The following RAPGEF2 variants were observed in gnomAD, a reference collection of about 807,000 sequenced individuals.
The protein encoded by RAPGEF2 is Rap guanine nucleotide exchange factor 2.
In RAPGEF2, 54 loss-of-function variants were observed where a neutral mutation model predicts 186.7. That is an observed-to-expected ratio of 0.29 (90% CI 0.23 to 0.36). The LOEUF (loss-of-function observed/expected upper bound fraction) is 0.36. RAPGEF2 is among the 10% of genes least tolerant of loss of function. RAPGEF2 has a pLI of 1.00. For missense variants in RAPGEF2, 1,532 were observed against 2,045.0 expected (o/e 0.75, Z 4.84); for synonymous variants, 712 against 705.9 (o/e 1.01, Z -0.14).
intron 25 of RAPGEF2, among the ~76,000 whole-genome samples, chr4:159,349,459 C>T (rs1730860723): frequency 6.6e-6 from 1 of 150,646 alleles, no homozygotes; most frequent in Non-Finnish European, 1.5e-5. Context: ...AATAATTTTT[C>T]CTCCACTCTC....
intron 3 of RAPGEF2, among the ~76,000 whole-genome samples, chr4:159,196,357 CTTGT>C (rs768782448): frequency 6.6e-6 from 1 of 152,036 alleles, no homozygotes; most frequent in African/African-American, 2.4e-5. Flanking sequence ...GGGGAAATGA[CTTGT>C]TTGTTCTTGT....
chr4:159,268,335 C>T (rs1579685916), intron 7 of RAPGEF2: 2 of 775,556 alleles, frequency 2.6e-6, no homozygotes, highest in Admixed American at 2.5e-5. Flanking sequence ...TAGTAGTCTG[C>T]TTGGAGAGGA....
intron 7 of RAPGEF2, among the ~76,000 whole-genome samples, chr4:159,302,486 T>G (rs1412515698): frequency 6.6e-6 from 1 of 152,220 alleles, no homozygotes; most frequent in Non-Finnish European, 1.5e-5. Flanking sequence ...GTTTCCCCAG[T>G]TGCCTTCTGC....
intron 3 of RAPGEF2, among the ~76,000 whole-genome samples, chr4:159,205,727 C>T (rs1238984024): frequency 1.3e-5 from 2 of 152,142 alleles, no homozygotes; most frequent in East Asian, 3.8e-4. Flanking sequence ...CTTGCTTCCC[C>T]TTCGCCTTCC....
chr4:159,318,949 A>G (rs1429176249), intron 9 of RAPGEF2, among the ~76,000 whole-genome samples: 1 of 152,170 alleles, frequency 6.6e-6, no homozygotes, highest in South Asian at 2.1e-4. Context: ...ATAATAGTGT[A>G]TCATTCTAAT....
At chr4:159,204,760 C>T (rs1217778198) in intron 3 of RAPGEF2, among the ~76,000 whole-genome samples, 1 of 152,140 alleles carries the variant, frequency 6.6e-6, no homozygotes, top group East Asian at 1.9e-4. Context: ...ATTGTGGTTC[C>T]TAGCTCAAGA....
chr4:159,340,702 C>G (rs918544520), intron 19 of RAPGEF2, among the ~76,000 whole-genome samples: 1 of 147,420 alleles, frequency 6.8e-6, no homozygotes, highest in African/African-American at 2.5e-5. Flanking sequence ...CACACACACA[C>G]ACACATTTAT....
At chr4:159,119,830 G>A (rs1167191290) in intron 1 of RAPGEF2, among the ~76,000 whole-genome samples, 2 of 152,042 alleles carry the variant, frequency 1.3e-5, no homozygotes, top group Non-Finnish European at 2.9e-5. Context: ...TAAGGATATT[G>A]GCATATGATA....
At position 159,346,868 on chromosome 4, in the gene RAPGEF2, A is replaced by C; in HGVS notation, c.3582A>C (p.Lys1194Asn). ...CTCCAAGGGCAGGGTCACAACAGAAAGCTCAGTCCCTGCCACAGCCCCAGC... is the reference window on the plus strand; with the variant it reads ...CTCCAAGGGCAGGGTCACAACAGAACGCTCAGTCCCTGCCACAGCCCCAGC... ...PVAPRAGSQQ[K>N]AQSLPQPQQQ... Residue 1194 changes from lysine (K) to asparagine (N), a missense_variant, in exon 25 of 30, where the codon AAA (lysine) becomes AAC (asparagine). Coordinates refer to ENST00000691494, the MANE Select transcript of RAPGEF2 (RefSeq NM_001394067.2). 1 of 1,614,204 alleles carries C rather than the reference A, an allele frequency of 6.2e-7. No individual in the cohort carries two copies.
At chr4:159,104,664 C>T (rs371998496) in intron 1 of RAPGEF2, among the ~76,000 whole-genome samples, 2 of 152,088 alleles carry the variant, frequency 1.3e-5, no homozygotes, top group East Asian at 1.9e-4. Flanking sequence ...CATCTCCCCT[C>T]GGGCAGCGAC....
chr4:159,166,692 A>G (rs1356148395), intron 1 of RAPGEF2, among the ~76,000 whole-genome samples: 2 of 152,164 alleles, frequency 1.3e-5, no homozygotes, highest in Non-Finnish European at 2.9e-5. Context: ...AGTAGTGTCT[A>G]TATTGTCTTG....
chr4:159,350,186 A>G lies in RAPGEF2; in HGVS notation c.3762A>G (p.Glu1254=). ...ALKKILSLSE[E]GSLERHKKQA... is the part of the protein sequence containing the mutation. ...AAAAAATTCTTTCTTTGTCTGAAGA[A>G]GGAAGTTTGGAACGTCACAAGAAAC... Residue 1254 remains glutamate (E), a synonymous_variant, in exon 26 of 30, where the codon GAA becomes GAG. Coordinates refer to ENST00000691494, the MANE Select transcript of RAPGEF2 (RefSeq NM_001394067.2). 8 of 1,590,264 alleles carry G rather than the reference A, an allele frequency of 5.0e-6. No individual in the cohort carries two copies. Among genetic ancestry groups the G allele is most frequent in the Non-Finnish European group, 6.8e-6 (8 of 1,167,900 alleles).
At chr4:159,335,634 T>C (rs1767299161) in intron 17 of RAPGEF2, among the ~76,000 whole-genome samples, 1 of 151,714 alleles carries the variant, frequency 6.6e-6, no homozygotes, top group African/African-American at 2.4e-5. Context: ...GATCACGAGG[T>C]CAGGAGATCG....
intron 4 of RAPGEF2, among the ~76,000 whole-genome samples, chr4:159,212,708 G>A (rs1750646801): frequency 6.6e-6 from 1 of 152,098 alleles, no homozygotes; most frequent in Non-Finnish European, 1.5e-5. Flanking sequence ...TAATGCTGTA[G>A]CAAATGTAAT....
At chr4:159,178,629 C>T (rs1201262582) in intron 1 of RAPGEF2, among the ~76,000 whole-genome samples, 1 of 131,160 alleles carries the variant, frequency 7.6e-6, no homozygotes, top group Non-Finnish European at 1.5e-5. Context: ...GCGATTTTAG[C>T]TCACTGCAAC....
At position 159,341,934 on chromosome 4, in the gene RAPGEF2, T is replaced by G; in HGVS notation, c.2905T>G (p.Phe969Val). Residue 969 changes from phenylalanine (F) to valine (V), a missense_variant, in exon 20 of 30, where the codon TTT becomes GTT. By Grantham distance (50) the Phe-to-Val change is conservative (BLOSUM62 -1). This residue lies in a region of RAPGEF2 where 810 missense variants were observed against 1,210.5 expected (regional missense o/e 0.67). Coordinates refer to ENST00000691494, the MANE Select transcript of RAPGEF2 (RefSeq NM_001394067.2). ...CRECKNFNSM[F>V]AIISGLNLAP... is the part of the protein sequence containing the mutation. The stretch of plus-strand genomic sequence containing the variant: ...GGAATGCAAGAATTTTAACTCAATG[T>G]TTGCAATCATCAGGTAAGAGAGCAC... 1 of 1,592,892 alleles carries G rather than the reference T, an allele frequency of 6.3e-7. No homozygotes were observed. Among genetic ancestry groups the G allele is most frequent in the Non-Finnish European group, 8.5e-7 (1 of 1,171,342 alleles).
chr4:159,312,037 A>G (rs1035402844), intron 8 of RAPGEF2, among the ~76,000 whole-genome samples: 11 of 152,292 alleles, frequency 7.2e-5, no homozygotes, highest in African/African-American at 2.4e-4. Context: ...TTTGGGAGAG[A>G]TAAATCCAGT....
At position 159,250,788 on chromosome 4, in the gene RAPGEF2, TCTCGGCGC is replaced by T. The variant is rs552409498; in HGVS notation, c.543+7004_543+7011del. Among the ~76,000 whole-genome samples, 416 of 151,778 alleles carry T rather than the reference TCTCGGCGC, an allele frequency of 2.7e-3. 3 individuals carry two copies. The highest frequency in any genetic ancestry group is 4.9e-3 in the Non-Finnish European group (334 of 67,920). ...CAACGTGCTAGCAGCCCTCGCTTGC[TCTCGGCGC>T]CTCGGCCTCGGCATCCACTCTGGCC... On this transcript the variant is annotated intron_variant, in intron 7 of 29. Transcript: ENST00000691494.
rs759744350 is a variant in RAPGEF2, at chr4:159,350,121, T to C, written c.3713-16T>C. 6.2e-5 allele frequency: 91 copies of C among 1,475,312 alleles called. No individual in the cohort carries two copies. Among genetic ancestry groups the C allele is most frequent in the Non-Finnish European group, 7.8e-5 (86 of 1,100,846 alleles). 91.4% of individuals were successfully genotyped at this position (1,475,312 alleles called of 1,614,324 possible). On this transcript the variant is annotated splice_polypyrimidine_tract_variant and intron_variant, in intron 25 of 29. Transcript: ENST00000691494. ...CTTGAAAATACATATTTAAGGTTTT[T>C]TTTTTTCCATTATAGGCATAAACTC...
Sources: allele counts gnomAD v4.1 joint callset (sites outside exome capture counted in the v4.1 genomes callset), GRCh38; gene constraint gnomAD v4.1.1; regional missense constraint gnomAD v4.1.1; transcripts MANE v1.5; gene names NCBI Gene and HGNC (gene_info 2026-07-23, HGNC 2026-07-21).